CTDP1: variants seen among roughly 807,000 people sequenced by gnomAD.
CTDP1 encodes CTD phosphatase 1, also known as RNA polymerase II subunit A C-terminal domain phosphatase.
CTDP1 carries 47 observed loss-of-function variants against 91.8 expected under a neutral mutation model. That is an observed-to-expected ratio of 0.51 (90% CI 0.41 to 0.65). The LOEUF (loss-of-function observed/expected upper bound fraction) is 0.65, where lower values mean the gene tolerates loss of function less well. CTDP1 is among the 30% of genes least tolerant of loss of function. The pLI, the probability that CTDP1 is intolerant of heterozygous loss-of-function variation, is 0.00. For synonymous variants in CTDP1, 656 were observed against 598.5 expected (o/e 1.10, Z -1.40); for missense variants, 1,272 against 1,373.7 (o/e 0.93, Z 1.17).
intron 12 of CTDP1, among the ~76,000 whole-genome samples, chr18:79,741,856 A>G (rs1180961598): frequency 6.6e-6 from 1 of 152,260 alleles, no homozygotes; most frequent in Non-Finnish European, 1.5e-5. Flanking sequence ...ATAATTAACT[A>G]AGAAAGATAA....
At chr18:79,690,689 G>A (rs1287754793) in intron 1 of CTDP1, among the ~76,000 whole-genome samples, 1 of 152,190 alleles carries the variant, frequency 6.6e-6, no homozygotes, top group Admixed American at 6.5e-5. Flanking sequence ...TGCACACACA[G>A]ACATTCTGAG....
intron 12 of CTDP1, among the ~76,000 whole-genome samples, chr18:79,750,756 C>T (rs1260573612): frequency 2.0e-5 from 3 of 150,748 alleles, no homozygotes; most frequent in East Asian, 2.0e-4. Flanking sequence ...TCAGGTGATC[C>T]GCCTGACTTG....
rs1015032528 is a variant in CTDP1, at chr18:79,679,917, G to A, written c.-31G>A. ...GCGCTCTGAGCGCAGCGCAGGCCCC[G>A]TACCGACCGCCCGCCCGCCCTCTGT... On this transcript the variant is annotated 5_prime_UTR_variant, in exon 1 of 13. Coordinates refer to ENST00000613122, the MANE Select transcript of CTDP1 (RefSeq NM_004715.5). The A allele has an allele frequency of 7.3e-7, 1 of 1,379,118 alleles. No individual in the cohort carries two copies. The highest frequency in any genetic ancestry group is 2.9e-5 in the Admixed American group (1 of 34,020). 85.4% of individuals were successfully genotyped at this position (1,379,118 alleles called of 1,614,324 possible). A position where few individuals can be genotyped will look rare whatever the true frequency, so the allele number is the denominator to read the frequency against.
chr18:79,697,727 C>T (rs1344537197), intron 3 of CTDP1, 133 bp from the exon 4 acceptor site: 15 of 1,349,352 alleles, frequency 1.1e-5, no homozygotes, highest in Admixed American at 1.8e-5. Flanking sequence ...TCGGCCTGTA[C>T]GGCGCAGTCC....
intron 4 of CTDP1, among the ~76,000 whole-genome samples, chr18:79,704,170 T>C (rs3786228): frequency 0.31 from 47,135 of 152,180 alleles, 8,763 homozygotes; most frequent in East Asian, 0.41. Flanking sequence ...ACCGCGTGCA[T>C]GGAAACTACT....
chr18:79,711,147 G>A (rs527933577), intron 6 of CTDP1, among the ~76,000 whole-genome samples: 1 of 152,222 alleles, frequency 6.6e-6, no homozygotes, highest in East Asian at 1.9e-4. Context: ...GCCACCTGAC[G>A]TTGTGTATCT....
chr18:79,718,839 A>T (rs1320340443), intron 10 of CTDP1, among the ~76,000 whole-genome samples: 1 of 152,148 alleles, frequency 6.6e-6, no homozygotes, highest in Non-Finnish European at 1.5e-5. Context: ...GCCGTCTGAC[A>T]GGTCACAACA....
intron 5 of CTDP1, among the ~76,000 whole-genome samples, chr18:79,705,491 C>G (rs1382642751): frequency 6.6e-6 from 1 of 152,034 alleles, no homozygotes; most frequent in African/African-American, 2.4e-5. Flanking sequence ...GTCTGTCCTT[C>G]ATGGACAAAG....
In CTDP1 at chr18:79,680,133, G is replaced by A; in HGVS notation, c.186G>A (p.Gly62=). The change falls in exon 1 of 13, where the codon GGG becomes GGA. Residue 62 remains glycine (G), a synonymous_variant. Transcript: ENST00000613122. ...CCGCCGCCTCCGCGCAGTCCTCCGG[G>A]GCCTCTCAGTCCCGTGTAGCCTCCG... ...FEAAASAQSS[G]ASQSRVASGG... 2.8e-6 allele frequency: 4 copies of A among 1,431,232 alleles called. No homozygotes were observed. The highest frequency in any genetic ancestry group is 1.5e-5 in the African/African-American group (1 of 67,210). 88.7% of individuals were successfully genotyped at this position (1,431,232 alleles called of 1,614,324 possible).
At chr18:79,723,738 C>T (rs562978139) in intron 10 of CTDP1, among the ~76,000 whole-genome samples, 3 of 152,292 alleles carry the variant, frequency 2.0e-5, no homozygotes, top group South Asian at 4.2e-4. Context: ...GACACAGAAC[C>T]CTCACACCAG....
intron 11 of CTDP1, among the ~76,000 whole-genome samples, chr18:79,732,221 CAT>C (rs531051949): frequency 5.5e-4 from 82 of 150,010 alleles, no homozygotes; most frequent in East Asian, 2.4e-3. Flanking sequence ...CCCAAAATCA[CAT>C]GAGACTTGAG....
Position 79,750,801 on chromosome 18 carries a change from G to A in CTDP1, c.2748-2851G>A, listed in dbSNP as rs189342053. On this transcript the variant is annotated intron_variant, in intron 12 of 12. Transcript: ENST00000613122. The stretch of plus-strand genomic sequence containing the variant: ...AGTGCTGGTATTACAGGTGTGAGCC[G>A]CCACGCCCTGCCTACTCCGCTTTTA... Among the ~76,000 whole-genome samples, 438 of 151,068 alleles carry A rather than the reference G, an allele frequency of 2.9e-3. 5 individuals are homozygous for A. Among genetic ancestry groups the A allele is most frequent in the Middle Eastern group, 0.017 (5 of 294 alleles).
In CTDP1 at chr18:79,679,956, G is replaced by T; in HGVS notation, c.9G>T (p.Val3=). ME[V]PAAGRVPAEG... ...CCCGCCCTCTGTCCGCGATGGAGGT[G>T]CCGGCCGCGGGTCGCGTTCCTGCCG... is the stretch of plus-strand genomic sequence containing the variant. The change falls in exon 1 of 13, where the codon GTG becomes GTT. Residue 3 remains valine (V), a synonymous_variant. Coordinates refer to ENST00000613122, the MANE Select transcript of CTDP1 (RefSeq NM_004715.5). 1 of 1,381,684 alleles carries T rather than the reference G, an allele frequency of 7.2e-7. No homozygotes were observed. The highest frequency in any genetic ancestry group is 9.4e-7 in the Non-Finnish European group (1 of 1,062,928). 85.6% of individuals were successfully genotyped at this position (1,381,684 alleles called of 1,614,324 possible).
Position 79,695,280 on chromosome 18 carries a change from T to TA in CTDP1, c.370_371insA (p.Cys124Ter). 1 of 1,614,166 alleles carries TA rather than the reference T, an allele frequency of 6.2e-7. No homozygotes were observed. Among genetic ancestry groups the TA allele is most frequent in the Non-Finnish European group, 8.5e-7 (1 of 1,180,036 alleles). ...CSHPVVMKGL[C>*]AECGQDLTQL... Reference sequence around the variant, plus strand: ...CCACCCGGTTGTCATGAAAGGCCTGTGTGCTGAATGTGGCCAAGACCTCAC... The same window carrying TA: ...CCACCCGGTTGTCATGAAAGGCCTGTAGTGCTGAATGTGGCCAAGACCTCAC... The change falls in exon 2 of 13, where the codon TGT (cysteine) becomes TAGT (stop). Residue 124 changes from cysteine to a stop codon, truncating the protein, a stop_gained and frameshift_variant. Coordinates refer to ENST00000613122, the MANE Select transcript of CTDP1 (RefSeq NM_004715.5). LOFTEE classifies it high-confidence loss of function.
intron 8 of CTDP1, 112 bp from the exon 9 acceptor site, chr18:79,717,423 C>G: frequency 6.7e-7 from 1 of 1,502,026 alleles, no homozygotes; most frequent in Non-Finnish European, 9.1e-7. Flanking sequence ...AGTGAGGGCC[C>G]TGAGCCCTGG....
Position 79,687,736 on chromosome 18 carries a change from C to G in CTDP1, c.314+7475C>G, listed in dbSNP as rs544285802. Among the ~76,000 whole-genome samples, 40 of 152,390 alleles carry G rather than the reference C, an allele frequency of 2.6e-4. No homozygotes were observed. The Middle Eastern group carries it at 0.014, about 52-fold the overall frequency. On this transcript the variant is annotated intron_variant, in intron 1 of 12. Transcript: ENST00000613122. Reference sequence around the variant, plus strand: ...TGCACCGGAGCAGTTGGTTGGTTGTCCTGAGCATACCACCAGGGGGTTAAA... The same window carrying G: ...TGCACCGGAGCAGTTGGTTGGTTGTGCTGAGCATACCACCAGGGGGTTAAA...
chr18:79,744,093 G>A (rs1458522403), intron 12 of CTDP1, among the ~76,000 whole-genome samples: 1 of 152,232 alleles, frequency 6.6e-6, no homozygotes, highest in Non-Finnish European at 1.5e-5. Context: ...AACTCAGGAG[G>A]ATGCAGCCAT....
upstream of CTDP1, among the ~76,000 whole-genome samples, chr18:79,676,946 C>T (rs1667140540): frequency 6.6e-6 from 1 of 152,242 alleles, no homozygotes; most frequent in African/African-American, 2.4e-5. Context: ...TGGAAGACTA[C>T]ATGGCATCTA....
At chr18:79,751,624 T>C (rs1033352291) in intron 12 of CTDP1, among the ~76,000 whole-genome samples, 1 of 152,206 alleles carries the variant, frequency 6.6e-6, no homozygotes, top group African/African-American at 2.4e-5. Flanking sequence ...CCAGCAAGAA[T>C]GGTTTCAAGT....
Sources: gnomAD v4.1 joint callset for allele counts (sites outside exome capture counted in the v4.1 genomes callset) on GRCh38, gnomAD v4.1.1 for gene constraint, MANE v1.5 for transcripts, NCBI Gene and HGNC (gene_info 2026-07-23, HGNC 2026-07-21) for gene names.